Variants in DNM1 observed in about 807,000 individuals in gnomAD.
DNM1 encodes the protein dynamin 1.
Under a neutral mutation model 104.6 loss-of-function variants are expected in DNM1, and 29 were observed. That is an observed-to-expected ratio of 0.28 (90% CI 0.21 to 0.38). The LOEUF is 0.38. Ranked by LOEUF, DNM1 falls within the 10% of genes least tolerant of loss-of-function variation. The probability of loss-of-function intolerance (pLI) is 1.00; values close to 1 mark genes in which losing one functional copy is unlikely to be tolerated. For synonymous variants in DNM1, 445 were observed against 475.8 expected, an observed-to-expected ratio of 0.94 and a Z score of 0.84; for missense variants, 640 against 1,189.4, an observed-to-expected ratio of 0.54 and a Z score of 6.79.
rs1836264832 is a variant in DNM1 at position 128,240,004 on chromosome 9, C to T, written c.1557+8C>T. 2.5e-6 allele frequency: 4 copies of T among 1,614,108 alleles called. No homozygotes were observed. Among genetic ancestry groups the T allele is most frequent in the East Asian group, 4.5e-5 (2 of 44,866 alleles). ...TTGCAGGATGAGATTCTGGTGAGTA[C>T]CAGGACTGGGGCTCTCGGCTTGTGT... On this transcript the variant is annotated splice_region_variant and intron_variant, in intron 14 of 21. Coordinates refer to ENST00000372923, the MANE Select transcript of DNM1 (RefSeq NM_004408.4). The surrounding 1 kb of genome is among the most constrained non-coding windows in gnomAD (Gnocchi z 5.1).
Position 128,224,422 on chromosome 9 carries a change from C to T in DNM1, c.1335+33C>T, listed in dbSNP as rs766538290. The T allele has an allele frequency of 6.3e-7, 1 of 1,595,004 alleles. No individual in the cohort carries two copies. On this transcript the variant is annotated intron_variant, in intron 10 of 21. Coordinates refer to ENST00000372923, the MANE Select transcript of DNM1 (RefSeq NM_004408.4). This position sits in a 1 kb window ranked among gnomAD's most constrained non-coding sequence, Gnocchi z 4.3. The stretch of plus-strand genomic sequence containing the variant: ...GGAGGCCCGGGCCAGCCCCCACCGC[C>T]TCTGCCCCGCCCTGCACTGCTGCCA...
At position 128,253,208 on chromosome 9, in the gene DNM1, G is replaced by T. The variant is rs572697840; in HGVS notation, c.2535-1446G>T. On this transcript the variant is annotated intron_variant, in intron 21 of 21. Coordinates refer to ENST00000372923, the MANE Select transcript of DNM1 (RefSeq NM_004408.4). This position sits in a 1 kb window ranked among gnomAD's most constrained non-coding sequence, Gnocchi z 5.9. ...CCGCTGCACTAGCTCCACACGGGGC[G>T]CGCACCTGGGACCTCAGAGCCAGGC... 12 of 1,458,814 alleles carry T rather than the reference G, an allele frequency of 8.2e-6. No homozygotes were observed. The highest frequency in any genetic ancestry group is 8.0e-5 in the South Asian group (7 of 87,472). The allele number at this position is 1,458,814 out of a possible 1,614,324, so 90.4% of individuals were successfully genotyped here. A position where few individuals can be genotyped will look rare whatever the true frequency, so the allele number is the denominator to read the frequency against.
chr9:128,203,535 C>T lies in DNM1; in HGVS notation c.65C>T (p.Ala22Val), dbSNP rs1245923175. The T allele has an allele frequency of 3.9e-6, 6 of 1,545,770 alleles. No homozygotes were observed. The South Asian group carries it at 4.7e-5, about 12-fold the overall frequency. ...AACCGGCTGCAAGACGCCTTCTCTG[C>T]CATCGGCCAGAACGCGGACCTCGAC... ...LVNRLQDAFS[A>V]IGQNADLDLP... The change falls in exon 1 of 22, where the codon GCC becomes GTC. Residue 22 changes from alanine to valine, a missense_variant. Physicochemically the swap from Ala to Val is moderately conservative, Grantham distance 64. Transcript: ENST00000372923. The surrounding 1 kb of genome is among the most constrained non-coding windows in gnomAD (Gnocchi z 5.3).
intron 10 of DNM1, among the ~76,000 whole-genome samples, chr9:128,230,139 C>T (rs1835586029): frequency 1.3e-5 from 2 of 151,378 alleles, no homozygotes; most frequent in African/African-American, 2.4e-5. Context: ...ATTGCTTGAA[C>T]CCAGGAGGCG....
chr9:128,254,326 G>A lies in DNM1; in HGVS notation c.2535-328G>A. On this transcript the variant is annotated intron_variant, in intron 21 of 21. Transcript: ENST00000372923. The surrounding 1 kb of genome is among the most constrained non-coding windows in gnomAD (Gnocchi z 6.1). ...GGAAGACAGGGTGACCAGAGAAGAG[G>A]GAAGCCCGAGGGGGCCGAGCATCAG... 1 of 1,399,102 alleles carries A rather than the reference G, an allele frequency of 7.1e-7. No individual in the cohort carries two copies. Among genetic ancestry groups the A allele is most frequent in the Non-Finnish European group, 9.2e-7 (1 of 1,086,294 alleles). 86.7% of individuals were successfully genotyped at this position (1,399,102 alleles called of 1,614,324 possible). A position where few individuals can be genotyped will look rare whatever the true frequency, so the allele number is the denominator to read the frequency against.
In DNM1 at chr9:128,252,941, G is replaced by A. The variant is rs576539081; in HGVS notation, c.2535-1713G>A. The A allele has an allele frequency of 4.4e-4, 319 of 731,054 alleles. 1 individual carries two copies. Among genetic ancestry groups the A allele is most frequent in the Middle Eastern group, 1.4e-3 (4 of 2,792 alleles). The allele number at this position is 731,054 out of a possible 1,614,324, so 45.3% of individuals were successfully genotyped here. A position where few individuals can be genotyped will look rare whatever the true frequency, so the allele number is the denominator to read the frequency against. ...AGGTGGCGGGGAAGGAGGCGTATGCGTGTTGTTTGTGGGCATGTGTGTTAG... is the reference window on the plus strand; with the variant it reads ...AGGTGGCGGGGAAGGAGGCGTATGCATGTTGTTTGTGGGCATGTGTGTTAG... On this transcript the variant is annotated intron_variant, in intron 21 of 21. Coordinates refer to ENST00000372923, the MANE Select transcript of DNM1 (RefSeq NM_004408.4).
At chr9:128,211,912 TAAC>T (rs1213347711) in intron 1 of DNM1, among the ~76,000 whole-genome samples, 5 of 152,198 alleles carry the variant, frequency 3.3e-5, no homozygotes, top group African/African-American at 1.2e-4. Context: ...TGGTTAATAT[TAAC>T]AACGTATCTA....
rs1164315220 is a variant in DNM1, at chr9:128,248,804, C to A, written c.2076+51C>A. On this transcript the variant is annotated intron_variant, in intron 19 of 21. Transcript: ENST00000372923. The surrounding 1 kb of genome is among the most constrained non-coding windows in gnomAD (Gnocchi z 5.6). Reference sequence around the variant, plus strand: ...GGGAAATCCTGTGGCACTGGGGATGCAGGTGGCCATGTTGGCCTGGGGGAG... The same window carrying A: ...GGGAAATCCTGTGGCACTGGGGATGAAGGTGGCCATGTTGGCCTGGGGGAG... 1.9e-6 allele frequency: 3 copies of A among 1,586,114 alleles called. No individual in the cohort carries two copies. In the Admixed American group the frequency reaches 5.1e-5, roughly 27 times the overall value.
Position 128,253,915 on chromosome 9 carries a change from A to ACGAC in DNM1, c.2535-736_2535-733dup. 8.1e-7 allele frequency: 1 copy of ACGAC among 1,226,996 alleles called. No homozygotes were observed. Among genetic ancestry groups the ACGAC allele is most frequent in the Non-Finnish European group, 1.0e-6 (1 of 983,468 alleles). The allele number at this position is 1,226,996 out of a possible 1,614,324, so 76.0% of individuals were successfully genotyped here. A position where few individuals can be genotyped will look rare whatever the true frequency, so the allele number is the denominator to read the frequency against. On this transcript the variant is annotated intron_variant, in intron 21 of 21. Coordinates refer to ENST00000372923, the MANE Select transcript of DNM1 (RefSeq NM_004408.4). The surrounding 1 kb of genome is among the most constrained non-coding windows in gnomAD (Gnocchi z 5.9). ...TCACTTGTGCCATTCAGCCAAGGGG[A>ACGAC]CGACCGTGCCTGCTGGCCCAGCTGA...
At chr9:128,214,127 A>T (rs1834467837) in intron 1 of DNM1, among the ~76,000 whole-genome samples, 1 of 151,680 alleles carries the variant, frequency 6.6e-6, no homozygotes, top group Non-Finnish European at 1.5e-5. Context: ...CCCCAAGCTC[A>T]CTGCCATCCT....
intron 1 of DNM1, among the ~76,000 whole-genome samples, chr9:128,209,844 G>A (rs559563003): frequency 1.3e-5 from 2 of 152,190 alleles, no homozygotes; most frequent in Non-Finnish European, 2.9e-5. Flanking sequence ...CGTAGCCTAC[G>A]AGGGGAGCAC....
At chr9:128,214,449 T>C (rs923654311) in intron 1 of DNM1, among the ~76,000 whole-genome samples, 3 of 152,156 alleles carry the variant, frequency 2.0e-5, no homozygotes, top group Non-Finnish European at 4.4e-5. Flanking sequence ...TGACCGGCAC[T>C]GGGTGCACGC....
intron 1 of DNM1, among the ~76,000 whole-genome samples, chr9:128,213,140 G>A (rs1242416616): frequency 2.0e-5 from 3 of 152,066 alleles, no homozygotes; most frequent in African/African-American, 7.2e-5. Context: ...GGAGTACAGC[G>A]GCAGGATCTC....
rs569251456 is a variant in DNM1 at position 128,224,057 on chromosome 9, TAAC to T, written c.1197-182_1197-180del. The T allele has an allele frequency of 2.7e-4, 173 of 641,420 alleles. No homozygotes were observed. In the South Asian group the frequency reaches 4.1e-3, roughly 15 times the overall value. The allele number at this position is 641,420 out of a possible 1,614,324, so 39.7% of individuals were successfully genotyped here. On this transcript the variant is annotated intron_variant, in intron 9 of 21. Coordinates refer to ENST00000372923, the MANE Select transcript of DNM1 (RefSeq NM_004408.4). This position sits in a 1 kb window ranked among gnomAD's most constrained non-coding sequence, Gnocchi z 4.3. The stretch of plus-strand genomic sequence containing the variant: ...GAGCAAGACTCCGTCTCAAAAAAAA[TAAC>T]AACAACAACAAAAAACCCTTCATTA...
chr9:128,243,624 T>G lies in DNM1; in HGVS notation c.1671+1279T>G, dbSNP rs2131268819. Among the ~76,000 whole-genome samples the G allele has an allele frequency of 6.6e-6, 1 of 151,692 alleles. No homozygotes were observed. Among genetic ancestry groups the G allele is most frequent in the South Asian group, 2.1e-4 (1 of 4,800 alleles). On this transcript the variant is annotated intron_variant, in intron 15 of 21. Transcript: ENST00000372923. This position sits in a 1 kb window ranked among gnomAD's most constrained non-coding sequence, Gnocchi z 4.0. ...AGTGTGCAGTGGCATGGGGTGCGGG[T>G]GGGGGGTGGCTTCCTGCCGGTCTCT... is the stretch of plus-strand genomic sequence containing the variant.
chr9:128,251,123 AG>A lies in DNM1; in HGVS notation c.2534+186del. The A allele has an allele frequency of 7.6e-6, 5 of 654,944 alleles. No homozygotes were observed. The South Asian group carries it at 8.0e-5, about 10-fold the overall frequency. The allele number at this position is 654,944 out of a possible 1,614,324, so 40.6% of individuals were successfully genotyped here. The stretch of plus-strand genomic sequence containing the variant: ...CGAGGGCTGGCGGAGCCTGCCCCCG[AG>A]GGAGCGCTGAGTCCCGGAGGTGGTC... On this transcript the variant is annotated intron_variant, in intron 21 of 21. Transcript: ENST00000372923.
chr9:128,254,612 T>C lies in DNM1; in HGVS notation c.2535-42T>C, dbSNP rs541580132. Reference sequence around the variant, plus strand: ...CTTGCCTTACCAGCTCTCTCCTCGCTTTTCTCTCCCGTTTTCTCTCTGCTT... The same window carrying C: ...CTTGCCTTACCAGCTCTCTCCTCGCCTTTCTCTCCCGTTTTCTCTCTGCTT... On this transcript the variant is annotated intron_variant, in intron 21 of 21. Coordinates refer to ENST00000372923, the MANE Select transcript of DNM1 (RefSeq NM_004408.4). This position sits in a 1 kb window ranked among gnomAD's most constrained non-coding sequence, Gnocchi z 6.1. 3.2e-6 allele frequency: 5 copies of C among 1,583,514 alleles called. No homozygotes were observed. In the Admixed American group the frequency reaches 8.4e-5, roughly 27 times the overall value.
At chr9:128,231,894 C>A in intron 10 of DNM1, 1 of 407,482 alleles carries the variant, frequency 2.5e-6, no homozygotes, top group Admixed American at 2.8e-5. Context: ...TGAATGGCTC[C>A]AGGGGCTGTG....
chr9:128,216,405 C>G (rs1386605094), intron 1 of DNM1, among the ~76,000 whole-genome samples: 1 of 152,186 alleles, frequency 6.6e-6, no homozygotes, highest in East Asian at 1.9e-4. Flanking sequence ...ATCTCTATAT[C>G]AGAGCACAGA....
Sources: allele counts gnomAD v4.1 joint callset (sites outside exome capture counted in the v4.1 genomes callset), GRCh38; gene constraint gnomAD v4.1.1; non-coding constraint Gnocchi (gnomAD v3.1); transcripts MANE v1.5; gene names NCBI Gene and HGNC (gene_info 2026-07-23, HGNC 2026-07-21).